EBF1: variants seen among roughly 807,000 people sequenced by gnomAD.
EBF1 encodes the protein transcription factor COE1.
EBF1 carries 10 observed loss-of-function variants against 68.4 expected under a neutral mutation model. The observed-to-expected ratio is 0.15, with a 90% CI of 0.09 to 0.25. The LOEUF is 0.25. Among genes scored for constraint, EBF1 ranks in the 10% least tolerant of loss-of-function variants. EBF1 has a pLI of 1.00. For synonymous variants in EBF1, 298 were observed against 299.8 expected (o/e 0.99, Z 0.06); for missense variants, 509 against 794.4 (o/e 0.64, Z 4.32).
intron 6 of EBF1, among the ~76,000 whole-genome samples, chr5:159,015,822 C>T (rs955930029): frequency 1.0e-3 from 152 of 152,310 alleles, no homozygotes; most frequent in African/African-American, 3.5e-3. Context: ...GCCACAAAGT[C>T]GGGTCCTAGA....
chr5:158,822,641 G>T (rs1785116724), intron 8 of EBF1, among the ~76,000 whole-genome samples: 1 of 152,114 alleles, frequency 6.6e-6, no homozygotes, highest in Non-Finnish European at 1.5e-5. Flanking sequence ...ATTTGGTCTG[G>T]GCTTCATATT....
intron 6 of EBF1, among the ~76,000 whole-genome samples, chr5:158,944,342 G>C (rs889535184): frequency 1.3e-5 from 2 of 152,060 alleles, no homozygotes; most frequent in African/African-American, 4.8e-5. Flanking sequence ...TCCTGTGTTA[G>C]TTTGCTGAGA....
intron 8 of EBF1, among the ~76,000 whole-genome samples, chr5:158,804,586 T>G (rs1371808281): frequency 1.3e-5 from 2 of 152,158 alleles, no homozygotes; most frequent in Non-Finnish European, 2.9e-5. Flanking sequence ...GACATTTTGA[T>G]GTACCTGTAA....
intron 6 of EBF1, among the ~76,000 whole-genome samples, chr5:158,913,353 T>C (rs1806433751): frequency 6.6e-6 from 1 of 152,224 alleles, no homozygotes; most frequent in Admixed American, 6.5e-5. Flanking sequence ...GTTCTAAAGC[T>C]GAACTAAGTG....
chr5:159,003,290 C>A lies in EBF1; in HGVS notation c.554+70106G>T, dbSNP rs116780608. On this transcript the variant is annotated intron_variant, in intron 6 of 15. Transcript: ENST00000313708. ...TCCCCATACATATGGCACCCACAAG[C>A]TGATGAACATGCAGTGTCTCACTCT... Among the ~76,000 whole-genome samples, 554 of 152,326 alleles carry A rather than the reference C, an allele frequency of 3.6e-3. 3 individuals carry two copies. The highest frequency in any genetic ancestry group is 0.012 in the African/African-American group (507 of 41,590).
At chr5:158,756,373 T>C (rs898982553) in intron 10 of EBF1, among the ~76,000 whole-genome samples, 1 of 152,096 alleles carries the variant, frequency 6.6e-6, no homozygotes, top group Non-Finnish European at 1.5e-5. Flanking sequence ...AGAGTCTAGA[T>C]CAATGGATTT....
rs34258322 is a variant in EBF1, at chr5:158,697,272, A to ATTT, written c.*1836_*1838dup. 1 of 176,592 alleles carries ATTT rather than the reference A, an allele frequency of 5.7e-6. No homozygotes were observed. The highest frequency in any genetic ancestry group is 2.4e-5 in the African/African-American group (1 of 41,144). 10.9% of individuals were successfully genotyped at this position (176,592 alleles called of 1,614,324 possible). A position where few individuals can be genotyped will look rare whatever the true frequency, so the allele number is the denominator to read the frequency against. On this transcript the variant is annotated 3_prime_UTR_variant, in exon 16 of 16. Transcript: ENST00000313708. The stretch of plus-strand genomic sequence containing the variant: ...AATACTACAAGAATAATATGCTACT[A>ATTT]TTTTTTTTTTTTTGCCATATATTGG...
chr5:158,947,051 C>T (rs910041475), intron 6 of EBF1, among the ~76,000 whole-genome samples: 1 of 152,174 alleles, frequency 6.6e-6, no homozygotes, highest in African/African-American at 2.4e-5. Context: ...CAACCTCAAG[C>T]ATCCCAGGTT....
chr5:158,914,422 AG>A (rs1181115807), intron 6 of EBF1, among the ~76,000 whole-genome samples: 1 of 152,102 alleles, frequency 6.6e-6, no homozygotes, highest in Non-Finnish European at 1.5e-5. Context: ...ATGCCGCACG[AG>A]GGGGGTAACC....
At chr5:158,996,050 G>A (rs763177691) in intron 6 of EBF1, among the ~76,000 whole-genome samples, 1 of 152,138 alleles carries the variant, frequency 6.6e-6, no homozygotes, top group Non-Finnish European at 1.5e-5. Context: ...AATACAAACA[G>A]CTATAACAGA....
intron 6 of EBF1, among the ~76,000 whole-genome samples, chr5:158,873,376 T>G (rs1797241752): frequency 6.6e-6 from 1 of 152,220 alleles, no homozygotes; most frequent in African/African-American, 2.4e-5. Context: ...TCTAGAGTGA[T>G]TCGCCACATT....
intron 10 of EBF1, among the ~76,000 whole-genome samples, chr5:158,773,796 C>G (rs912188611): frequency 1.3e-5 from 2 of 151,992 alleles, no homozygotes; most frequent in Non-Finnish European, 2.9e-5. Context: ...GGAGAGATCA[C>G]GATTCGAAAA....
At chr5:158,776,611 G>A (rs1475930162) in intron 10 of EBF1, among the ~76,000 whole-genome samples, 1 of 152,116 alleles carries the variant, frequency 6.6e-6, no homozygotes, top group Non-Finnish European at 1.5e-5. Context: ...AAGGATGACT[G>A]ACACTAAGCA....
intron 6 of EBF1, among the ~76,000 whole-genome samples, chr5:159,011,502 T>G (rs1764655870): frequency 6.6e-6 from 1 of 152,284 alleles, no homozygotes; most frequent in East Asian, 1.9e-4. Context: ...GTTGGTAAGT[T>G]TGGGGGGCTG....
At chr5:158,712,752 A>G (rs1759687233) in intron 13 of EBF1, among the ~76,000 whole-genome samples, 1 of 152,204 alleles carries the variant, frequency 6.6e-6, no homozygotes, top group Non-Finnish European at 1.5e-5. Context: ...TCAAATGTAG[A>G]GAGATGGCTA....
chr5:158,977,318 C>G (rs534035305), intron 6 of EBF1, among the ~76,000 whole-genome samples: 1 of 152,174 alleles, frequency 6.6e-6, no homozygotes, highest in African/African-American at 2.4e-5. Context: ...CATTCTCTCA[C>G]AGAATACATA....
At position 158,921,802 on chromosome 5, in the gene EBF1, T is replaced by C. The variant is rs117405138; in HGVS notation, c.555-81692A>G. On this transcript the variant is annotated intron_variant, in intron 6 of 15. Transcript: ENST00000313708. Reference sequence around the variant, plus strand: ...AAGCCCAATAATTGGCACAGCAAAGTTAACCCTCTCCCTTATGACATGGCC... The same window carrying C: ...AAGCCCAATAATTGGCACAGCAAAGCTAACCCTCTCCCTTATGACATGGCC... 8.5e-5 allele frequency among the ~76,000 whole-genome samples: 13 copies of C among 152,354 alleles called. No individual in the cohort carries two copies. The East Asian group carries it at 2.5e-3, about 29-fold the overall frequency.
In EBF1 at chr5:158,714,477, T is replaced by C. The variant is rs550645418; in HGVS notation, c.1126-295A>G. ...TTTATTGCTGAATACAATTCCTAGG[T>C]CATTTACTAGATTACTACAATTGAT... On this transcript the variant is annotated intron_variant, in intron 11 of 15. Coordinates refer to ENST00000313708, the MANE Select transcript of EBF1 (RefSeq NM_024007.5). Among the ~76,000 whole-genome samples the C allele has an allele frequency of 2.6e-5, 4 of 152,162 alleles. No individual in the cohort carries two copies. In the South Asian group the frequency reaches 8.3e-4, roughly 32 times the overall value.
chr5:159,008,687 G>A (rs140165663), intron 6 of EBF1, among the ~76,000 whole-genome samples: 115 of 151,818 alleles, frequency 7.6e-4, no homozygotes, highest in African/African-American at 2.6e-3. Flanking sequence ...CACCACGCCC[G>A]GCTAATTTTT....
Sources: gnomAD v4.1 joint callset for allele counts (sites outside exome capture counted in the v4.1 genomes callset) on GRCh38, gnomAD v4.1.1 for gene constraint, MANE v1.5 for transcripts, NCBI Gene and HGNC (gene_info 2026-07-23, HGNC 2026-07-21) for gene names.